The following MAST4 variants were observed in gnomAD, a reference collection of about 807,000 sequenced individuals.
MAST4 encodes microtubule associated serine/threonine kinase family member 4.
MAST4 carries 89 observed loss-of-function variants against 162.7 expected under a neutral mutation model. The observed-to-expected ratio is 0.55, with a 90% CI of 0.46 to 0.65. MAST4 has a LOEUF of 0.65. Ranked by LOEUF, MAST4 falls within the 30% of genes least tolerant of loss-of-function variation. The probability of loss-of-function intolerance (pLI) is 0.00; values close to 1 mark genes in which losing one functional copy is unlikely to be tolerated. For missense variants in MAST4, 3,153 were observed against 3,374.0 expected (o/e 0.93, Z 1.62); for synonymous variants, 1,479 against 1,361.1 (o/e 1.09, Z -1.91).
chr5:66,929,649 A>G lies in MAST4; in HGVS notation c.674+29667A>G, dbSNP rs536977155. Among the ~76,000 whole-genome samples the G allele has an allele frequency of 5.9e-5, 9 of 152,324 alleles. No homozygotes were observed. In the East Asian group the frequency reaches 7.7e-4, roughly 13 times the overall value. ...GCCTCCCTCTCTCACAGCTAGATAC[A>G]GTTATGTTACTATCTGCTGGCTGAT... On this transcript the variant is annotated intron_variant, in intron 4 of 28. Coordinates refer to ENST00000403625, the MANE Select transcript of MAST4 (RefSeq NM_001164664.2).
intron 5 of MAST4, among the ~76,000 whole-genome samples, chr5:67,075,717 A>G (rs1402766584): frequency 6.6e-6 from 1 of 152,192 alleles, no homozygotes; most frequent in Admixed American, 6.5e-5. Flanking sequence ...ACTATATGTC[A>G]TAAAATATAA....
intron 4 of MAST4, among the ~76,000 whole-genome samples, chr5:66,924,809 G>C (rs1764779545): frequency 6.6e-6 from 1 of 152,214 alleles, no homozygotes; most frequent in Middle Eastern, 3.4e-3. Context: ...TTATCACTTA[G>C]GGAAAAGATA....
chr5:67,059,777 A>AAAT (rs78221155), intron 5 of MAST4, among the ~76,000 whole-genome samples: 23,918 of 152,080 alleles, frequency 0.16, 1,920 homozygotes, highest in South Asian at 0.24. Flanking sequence ...TAAAGATAGG[A>AAAT]AATATCCCTA....
intron 1 of MAST4, among the ~76,000 whole-genome samples, chr5:66,691,963 C>T (rs904957226): frequency 6.6e-6 from 1 of 152,028 alleles, no homozygotes; most frequent in African/African-American, 2.4e-5. Flanking sequence ...TTTTGATTCT[C>T]CCCAGGGCAA....
At chr5:66,791,716 A>G (rs1336220694) in intron 3 of MAST4, among the ~76,000 whole-genome samples, 3 of 152,206 alleles carry the variant, frequency 2.0e-5, no homozygotes, top group Non-Finnish European at 4.4e-5. Context: ...AGAAGCCAGA[A>G]TGTGATTAGT....
chr5:66,707,072 T>G (rs2149518680), intron 1 of MAST4, among the ~76,000 whole-genome samples: 1 of 152,260 alleles, frequency 6.6e-6, no homozygotes, highest in East Asian at 1.9e-4. Context: ...TTCTGTCCCT[T>G]AACCTGCTTT....
In MAST4 at chr5:67,133,654, T is replaced by A; in HGVS notation, c.2226+8T>A. Reference sequence around the variant, plus strand: ...GAGTTCCTGGATAAACAGGTAAGCTTGGGTGCCATTTAGTTTATTGAGAAA... The same window carrying A: ...GAGTTCCTGGATAAACAGGTAAGCTAGGGTGCCATTTAGTTTATTGAGAAA... On this transcript the variant is annotated splice_region_variant and intron_variant, in intron 17 of 28. Coordinates refer to ENST00000403625, the MANE Select transcript of MAST4 (RefSeq NM_001164664.2). 1 of 1,612,528 alleles carries A rather than the reference T, an allele frequency of 6.2e-7. No individual in the cohort carries two copies. Among genetic ancestry groups the A allele is most frequent in the African/African-American group, 1.3e-5 (1 of 74,976 alleles).
At chr5:66,794,262 T>C (rs1010579150) in intron 3 of MAST4, among the ~76,000 whole-genome samples, 17 of 152,166 alleles carry the variant, frequency 1.1e-4, no homozygotes, top group Non-Finnish European at 2.2e-4. Context: ...GAGCATGGGG[T>C]GCCTGAGCTC....
chr5:66,691,375 T>C (rs1043110262), intron 1 of MAST4, among the ~76,000 whole-genome samples: 1 of 152,160 alleles, frequency 6.6e-6, no homozygotes, highest in Non-Finnish European at 1.5e-5. Context: ...CAAAGAAATA[T>C]CTCACATTAA....
intron 1 of MAST4, among the ~76,000 whole-genome samples, chr5:66,640,001 A>C (rs1745381323): frequency 1.3e-5 from 2 of 152,156 alleles, no homozygotes; most frequent in African/African-American, 2.4e-5. Flanking sequence ...ATACAATATG[A>C]TTATAGTCCC....
At chr5:67,037,156 A>G (rs1263717451) in intron 4 of MAST4, among the ~76,000 whole-genome samples, 1 of 152,134 alleles carries the variant, frequency 6.6e-6, no homozygotes, top group Non-Finnish European at 1.5e-5. Context: ...GCACTTTGGG[A>G]GGCTGAGGTA....
chr5:66,635,958 T>TG (rs1385540371), intron 1 of MAST4, among the ~76,000 whole-genome samples: 2 of 122,684 alleles, frequency 1.6e-5, no homozygotes, highest in African/African-American at 7.4e-5. Context: ...TTTTTTTTTT[T>TG]TTTTTTTTTT....
chr5:66,780,615 G>C lies in MAST4; in HGVS notation c.518-8055G>C, dbSNP rs147985316. ...GAACAAAGCTTCCACAGTGTGAAAA[G>C]GGACCCAAGCAGGTTGCTGCTGCTG... is the stretch of plus-strand genomic sequence containing the variant. On this transcript the variant is annotated intron_variant, in intron 2 of 28. Transcript: ENST00000403625. Among the ~76,000 whole-genome samples the C allele has an allele frequency of 6.2e-3, 943 of 152,316 alleles. 5 individuals carry two copies. Among genetic ancestry groups the C allele is most frequent in the Non-Finnish European group, 8.4e-3 (569 of 68,036 alleles).
intron 2 of MAST4, among the ~76,000 whole-genome samples, chr5:66,785,384 T>C (rs1580445949): frequency 6.6e-6 from 1 of 152,334 alleles, no homozygotes; most frequent in East Asian, 1.9e-4. Context: ...AAATATAGAA[T>C]CATTCTGTCT....
chr5:67,137,663 C>T (rs985269582), intron 19 of MAST4, among the ~76,000 whole-genome samples: 3 of 152,146 alleles, frequency 2.0e-5, no homozygotes, highest in African/African-American at 4.8e-5. Context: ...TAAGTATAGA[C>T]GAATGCTGTG....
At chr5:66,783,858 CCTTT>C (rs1230189213) in intron 2 of MAST4, among the ~76,000 whole-genome samples, 3 of 151,924 alleles carry the variant, frequency 2.0e-5, no homozygotes, top group Admixed American at 6.6e-5. Flanking sequence ...CTCAGGTGTT[CCTTT>C]CTTTGTGTTC....
At chr5:67,011,992 CT>C (rs150842520) in intron 4 of MAST4, among the ~76,000 whole-genome samples, 5,968 of 152,198 alleles carry the variant, frequency 0.039, 166 homozygotes, top group Middle Eastern at 0.088. Flanking sequence ...GGTCTATTCA[CT>C]GCTATTGTGT....
intron 4 of MAST4, among the ~76,000 whole-genome samples, chr5:66,928,700 T>G (rs894208325): frequency 1.3e-5 from 2 of 152,174 alleles, no homozygotes; most frequent in African/African-American, 4.8e-5. Context: ...CAGCTTTGTA[T>G]GTTGTGGAGA....
At chr5:67,080,679 G>A (rs947835937) in intron 5 of MAST4, among the ~76,000 whole-genome samples, 4 of 151,864 alleles carry the variant, frequency 2.6e-5, no homozygotes, top group African/African-American at 9.7e-5. Context: ...TTTTGCTTCT[G>A]ATAATCAGTT....
Sources: gnomAD v4.1 joint callset for allele counts (sites outside exome capture counted in the v4.1 genomes callset) on GRCh38, gnomAD v4.1.1 for gene constraint, MANE v1.5 for transcripts, NCBI Gene and HGNC (gene_info 2026-07-23, HGNC 2026-07-21) for gene names.